The following RHBDD1 variants were observed in gnomAD, a reference collection of about 807,000 sequenced individuals.
RHBDD1 encodes rhomboid-related protein 4.
Under a neutral mutation model 36.3 loss-of-function variants are expected in RHBDD1, and 38 were observed. That is an observed-to-expected ratio of 1.05 (90% CI 0.81 to 1.37). RHBDD1 has a LOEUF of 1.37. RHBDD1 is among the 40% of genes most tolerant of loss of function. The pLI is 0.00. For synonymous variants in RHBDD1, 151 were observed against 136.5 expected (o/e 1.11, Z -0.74); for missense variants, 393 against 377.6 (o/e 1.04, Z -0.34).
chr2:226,969,285 C>T (rs1952981767), intron 8 of RHBDD1, among the ~76,000 whole-genome samples: 1 of 151,896 alleles, frequency 6.6e-6, no homozygotes, highest in South Asian at 2.1e-4. Context: ...ATTCTCTTGA[C>T]CTTAGTTCCT....
intron 7 of RHBDD1, among the ~76,000 whole-genome samples, chr2:226,909,647 A>G (rs903989890): frequency 2.0e-5 from 3 of 152,128 alleles, no homozygotes; most frequent in Non-Finnish European, 2.9e-5. Context: ...TAATGTCCCT[A>G]TAAAAGCGAC....
intron 8 of RHBDD1, among the ~76,000 whole-genome samples, chr2:226,976,723 G>A (rs1954651784): frequency 6.6e-6 from 1 of 152,168 alleles, no homozygotes; most frequent in Non-Finnish European, 1.5e-5. Context: ...GCCTGGGTGT[G>A]GCTTCTAAGT....
chr2:226,831,046 A>G (rs1052233303), upstream of RHBDD1, among the ~76,000 whole-genome samples: 1 of 152,246 alleles, frequency 6.6e-6, no homozygotes, highest in Admixed American at 6.5e-5. Flanking sequence ...TGGTTTGCTA[A>G]TACTTCATTG....
intron 5 of RHBDD1, among the ~76,000 whole-genome samples, chr2:226,876,868 G>C (rs1394814767): frequency 6.6e-6 from 1 of 152,078 alleles, no homozygotes; most frequent in African/African-American, 2.4e-5. Flanking sequence ...TGTTCACATA[G>C]ATAAGTTTAT....
chr2:226,935,042 C>CA, intron 8 of RHBDD1, among the ~76,000 whole-genome samples: 1 of 152,102 alleles, frequency 6.6e-6, no homozygotes, highest in African/African-American at 2.4e-5. Flanking sequence ...CAAATGGCCA[C>CA]AATCACACTT....
At position 226,967,515 on chromosome 2, in the gene RHBDD1, C is replaced by T. The variant is rs184497645; in HGVS notation, c.857-27916C>T. On this transcript the variant is annotated intron_variant, in intron 8 of 8. Coordinates refer to ENST00000392062, the MANE Select transcript of RHBDD1 (RefSeq NM_001167608.3). ...CGTCATTTAACATTAGGTATATCTC[C>T]TAATGCTATCCCTCCCCCCTCCCTT... is the stretch of plus-strand genomic sequence containing the variant. 4.7e-5 allele frequency among the ~76,000 whole-genome samples: 7 copies of T among 148,192 alleles called. No homozygotes were observed. In the East Asian group the frequency reaches 1.4e-3, roughly 29 times the overall value.
Position 226,996,477 on chromosome 2 carries a change from GT to G in RHBDD1, c.*958del, listed in dbSNP as rs1959329334. The G allele has an allele frequency of 6.6e-6, 1 of 152,232 alleles. No individual in the cohort carries two copies. The highest frequency in any genetic ancestry group is 6.5e-5 in the Admixed American group (1 of 15,288). 9.4% of individuals were successfully genotyped at this position (152,232 alleles called of 1,614,324 possible). A position where few individuals can be genotyped will look rare whatever the true frequency, so the allele number is the denominator to read the frequency against. ...AATCCACAGATTGTCTGTCTGAGTC[GT>G]TTAAGGCATTTCCTGGTGCTTGTGT... On this transcript the variant is annotated 3_prime_UTR_variant, in exon 9 of 9. Coordinates refer to ENST00000392062, the MANE Select transcript of RHBDD1 (RefSeq NM_001167608.3).
intron 8 of RHBDD1, among the ~76,000 whole-genome samples, chr2:226,947,424 G>A (rs1350593702): frequency 2.6e-5 from 4 of 151,808 alleles, no homozygotes; most frequent in Admixed American, 6.6e-5. Context: ...GATATGCGGC[G>A]TTATTTCTGA....
At chr2:226,877,192 G>A (rs576726447) in intron 5 of RHBDD1, among the ~76,000 whole-genome samples, 2 of 152,158 alleles carry the variant, frequency 1.3e-5, no homozygotes, top group Non-Finnish European at 2.9e-5. Context: ...ACCTGACCAC[G>A]TTCTGTAACA....
intron 8 of RHBDD1, among the ~76,000 whole-genome samples, chr2:226,967,678 T>G (rs1173222632): frequency 1.3e-5 from 2 of 152,096 alleles, no homozygotes; most frequent in Non-Finnish European, 2.9e-5. Flanking sequence ...GTCTGTAGCT[T>G]GATAAATTTT....
intron 5 of RHBDD1, among the ~76,000 whole-genome samples, chr2:226,881,974 A>C (rs1479433246): frequency 6.6e-6 from 1 of 152,190 alleles, no homozygotes; most frequent in Non-Finnish European, 1.5e-5. Context: ...TTCTTATTAG[A>C]TTTTATATAG....
intron 8 of RHBDD1, among the ~76,000 whole-genome samples, chr2:226,928,572 A>C (rs1036309181): frequency 6.6e-6 from 1 of 152,074 alleles, no homozygotes; most frequent in African/African-American, 2.4e-5. Flanking sequence ...CAAATTGACA[A>C]TCTAATGTCA....
At chr2:226,867,372 A>G in intron 5 of RHBDD1, 54 bp downstream of exon 5, 1 of 1,545,198 alleles carries the variant, frequency 6.5e-7, no homozygotes, top group East Asian at 2.3e-5. Flanking sequence ...TCTGTGGAGA[A>G]AAAAATTGCA....
At position 226,906,771 on chromosome 2, in the gene RHBDD1, A is replaced by G. The variant is rs776398689; in HGVS notation, c.567-22A>G. The stretch of plus-strand genomic sequence containing the variant: ...AATCAGCAGCAGAACAAACACTCAC[A>G]AAGGGTCTCCTTCCCTCCTAGGACT... On this transcript the variant is annotated intron_variant, in intron 5 of 8. Transcript: ENST00000392062. 1.3e-5 allele frequency: 21 copies of G among 1,613,976 alleles called. No individual in the cohort carries two copies. The South Asian group carries it at 2.0e-4, about 15-fold the overall frequency.
the RHBDD1 span, among the ~76,000 whole-genome samples, chr2:226,809,007 G>T: frequency 6.6e-6 from 1 of 152,252 alleles, no homozygotes; most frequent in African/African-American, 2.4e-5. Context: ...GATCCTCCGA[G>T]TGGAGATATC....
intron 8 of RHBDD1, among the ~76,000 whole-genome samples, chr2:226,945,171 T>TTATTATTATTATTAC (rs1264258649): frequency 6.7e-6 from 1 of 149,698 alleles, no homozygotes; most frequent in African/African-American, 2.4e-5. Context: ...ATTATTATTA[T>TTATTATTATTATTAC]TATTATACTT....
intron 5 of RHBDD1, chr2:226,895,578 G>T (rs1306683722): frequency 3.0e-6 from 2 of 667,354 alleles, no homozygotes; most frequent in African/African-American, 2.0e-5. Context: ...AATTAAGGGA[G>T]TCGGGGGAGA....
intron 5 of RHBDD1, among the ~76,000 whole-genome samples, chr2:226,888,411 G>GT (rs59372958): frequency 6.0e-4 from 88 of 146,726 alleles, no homozygotes; most frequent in Middle Eastern, 3.6e-3. Context: ...TCTCAGTGAG[G>GT]TTTTTTTTTT....
At chr2:226,974,850 G>A (rs1354152963) in intron 8 of RHBDD1, among the ~76,000 whole-genome samples, 2 of 152,156 alleles carry the variant, frequency 1.3e-5, no homozygotes, top group East Asian at 3.9e-4. Flanking sequence ...CTCTTTTCAG[G>A]TACCTCGCCA....
Sources: gnomAD v4.1 joint callset for allele counts (sites outside exome capture counted in the v4.1 genomes callset) on GRCh38, gnomAD v4.1.1 for gene constraint, MANE v1.5 for transcripts, NCBI Gene and HGNC (gene_info 2026-07-23, HGNC 2026-07-21) for gene names.